Variants in LDLRAD4 observed in about 807,000 individuals in gnomAD.
LDLRAD4 encodes the protein low-density lipoprotein receptor class A domain-containing protein 4.
A neutral mutation model predicts 17.0 loss-of-function variants in LDLRAD4; 5 were observed. The ratio of observed to expected loss-of-function variants is 0.29; its 90% CI spans 0.15 to 0.62. The LOEUF (loss-of-function observed/expected upper bound fraction) is 0.62, where lower values mean the gene tolerates loss of function less well. Ranked by LOEUF, LDLRAD4 falls within the 20% of genes least tolerant of loss-of-function variation. The probability of loss-of-function intolerance (pLI) is 0.84; values close to 1 mark genes in which losing one functional copy is unlikely to be tolerated. For synonymous variants in LDLRAD4, 168 were observed against 171.8 expected (o/e 0.98, Z 0.17); for missense variants, 340 against 424.7 (o/e 0.80, Z 1.75).
intron 5 of LDLRAD4, 52 bp downstream of exon 6, chr18:13,643,464 G>GGGGGGGGGGGGGGGGGGGGGGGGGGGCCC: frequency 3.5e-6 from 1 of 288,974 alleles, no homozygotes; most frequent in East Asian, 5.7e-5. Context: ...GGTGGGTGGG[G>GGGGGGGGGGGGGGGGGGGGGGGGGGGCCC]ATGAAGGGGG....
chr18:13,267,881 A>G (rs974176837), intron 1 of LDLRAD4, among the ~76,000 whole-genome samples: 1 of 152,122 alleles, frequency 6.6e-6, no homozygotes, highest in Non-Finnish European at 1.5e-5. Flanking sequence ...AGACCAATGC[A>G]TTGTTTCTTT....
At chr18:13,341,758 C>A (rs1241719967) in intron 1 of LDLRAD4, among the ~76,000 whole-genome samples, 1 of 152,044 alleles carries the variant, frequency 6.6e-6, no homozygotes, top group African/African-American at 2.4e-5. Flanking sequence ...ATGGCTAGGA[C>A]GTGTACTGTG....
intron 3 of LDLRAD4, among the ~76,000 whole-genome samples, chr18:13,464,126 G>A (rs948715851): frequency 4.6e-5 from 7 of 152,184 alleles, no homozygotes; most frequent in East Asian, 1.9e-4. Flanking sequence ...AAAAAGACAA[G>A]CCTTTCAAGT....
chr18:13,585,880 C>A (rs1445132038), intron 3 of LDLRAD4, among the ~76,000 whole-genome samples: 1 of 152,128 alleles, frequency 6.6e-6, no homozygotes, highest in Non-Finnish European at 1.5e-5. Context: ...AATAGGAGAA[C>A]TGAAAGTTAG....
At chr18:13,457,783 G>C (rs911511705) in intron 3 of LDLRAD4, among the ~76,000 whole-genome samples, 1 of 152,102 alleles carries the variant, frequency 6.6e-6, no homozygotes, top group Non-Finnish European at 1.5e-5. Flanking sequence ...CCCCTGCCTC[G>C]CTACCTGGGC....
chr18:13,442,824 A>G (rs2091119367), intron 3 of LDLRAD4, among the ~76,000 whole-genome samples: 1 of 152,220 alleles, frequency 6.6e-6, no homozygotes, highest in African/African-American at 2.4e-5. Flanking sequence ...AGCCTTGGTG[A>G]GCACAGACCC....
intron 1 of LDLRAD4, among the ~76,000 whole-genome samples, chr18:13,328,377 T>C (rs758233667): frequency 6.6e-6 from 1 of 152,224 alleles, no homozygotes; most frequent in Non-Finnish European, 1.5e-5. Context: ...CTCCTAGAGC[T>C]CATTGAATAT....
At chr18:13,643,363 G>T in exon 5 of LDLRAD4, 3 of 1,455,554 alleles carry the variant, frequency 2.1e-6, no homozygotes, top group East Asian at 2.8e-5. Context: ...CGCCAGGAAG[G>T]GTGCCTGTGG....
chr18:13,606,017 G>T (rs2095220085), intron 3 of LDLRAD4, among the ~76,000 whole-genome samples: 2 of 152,102 alleles, frequency 1.3e-5, no homozygotes, highest in South Asian at 4.1e-4. Context: ...GTGGTCTCTG[G>T]ACCACACTCT....
intron 3 of LDLRAD4, among the ~76,000 whole-genome samples, chr18:13,597,111 C>G (rs900081989): frequency 9.2e-5 from 14 of 152,158 alleles, no homozygotes; most frequent in Non-Finnish European, 4.4e-5. Flanking sequence ...CTACTAGCAA[C>G]AGTCTTTCAG....
At chr18:13,586,880 G>GA (rs1010455072) in intron 3 of LDLRAD4, among the ~76,000 whole-genome samples, 42 of 147,304 alleles carry the variant, frequency 2.9e-4, no homozygotes, top group Non-Finnish European at 5.4e-4. Flanking sequence ...AAAAAAAAAG[G>GA]AAAAAAAAAT....
intron 3 of LDLRAD4, among the ~76,000 whole-genome samples, chr18:13,505,331 C>A (rs1164026952): frequency 6.6e-6 from 1 of 152,118 alleles, no homozygotes. Context: ...TAATGTGGGA[C>A]CATAAAAATG....
intron 2 of LDLRAD4, among the ~76,000 whole-genome samples, chr18:13,427,065 A>G (rs1205723348): frequency 6.6e-6 from 1 of 152,184 alleles, no homozygotes; most frequent in Admixed American, 6.5e-5. Flanking sequence ...GCACACCTGT[A>G]GTCCCAGCTA....
In LDLRAD4 at chr18:13,621,224, A is replaced by G; in HGVS notation, c.289A>G (p.Ile97Val). 1 of 1,614,014 alleles carries G rather than the reference A, an allele frequency of 6.2e-7. No individual in the cohort carries two copies. Among genetic ancestry groups the G allele is most frequent in the Non-Finnish European group, 8.5e-7 (1 of 1,180,032 alleles). Residue 97 changes from isoleucine to valine, a missense_variant, in exon 4 of 6, where the codon ATC (isoleucine) becomes GTC (valine). Transcript: ENST00000359446. The surrounding 1 kb of genome is among the most constrained non-coding windows in gnomAD (Gnocchi z 5.5). ...CTACAAAGTCTCCACGCGGTCCTTC[A>G]TCAACCGCCCGAACCAGAGCCGGAG...
At chr18:13,507,793 G>C (rs143329499) in intron 3 of LDLRAD4, among the ~76,000 whole-genome samples, 2 of 152,266 alleles carry the variant, frequency 1.3e-5, no homozygotes, top group East Asian at 1.9e-4. Flanking sequence ...AATTCTCCAA[G>C]ACACAAGAAT....
chr18:13,645,041 C>A lies in LDLRAD4; in HGVS notation c.391-86C>A. The stretch of plus-strand genomic sequence containing the variant: ...GTGTTCAAACTGGTAGGAACACACA[C>A]CAAGCGTAACTTTCCTTGATTCTGA... On this transcript the variant is annotated intron_variant, in intron 5 of 5. Coordinates refer to ENST00000359446, the Ensembl canonical transcript of LDLRAD4. This position sits in a 1 kb window ranked among gnomAD's most constrained non-coding sequence, Gnocchi z 5.7. The A allele has an allele frequency of 8.9e-7, 1 of 1,129,040 alleles. No homozygotes were observed. 69.9% of individuals were successfully genotyped at this position (1,129,040 alleles called of 1,614,324 possible).
intron 1 of LDLRAD4, among the ~76,000 whole-genome samples, chr18:13,352,264 G>A (rs533252157): frequency 6.6e-6 from 1 of 152,240 alleles, no homozygotes; most frequent in Admixed American, 6.5e-5. Context: ...TTGTGGCCAG[G>A]GCAATCAGGC....
rs73421362 is a variant in LDLRAD4 at position 13,388,445 on chromosome 18, C to T, written c.40+683C>T. The stretch of plus-strand genomic sequence containing the variant: ...GGCTCCTCGTAGACAGACTGGGCTC[C>T]GTGACATTGAGGAACTTCATGGAAT... On this transcript the variant is annotated intron_variant, in intron 2 of 5. Coordinates refer to ENST00000359446, the Ensembl canonical transcript of LDLRAD4. 4.8e-3 allele frequency among the ~76,000 whole-genome samples: 737 copies of T among 152,290 alleles called. 11 individuals are homozygous for T. Among genetic ancestry groups the T allele is most frequent in the African/African-American group, 0.017 (710 of 41,538 alleles).
At chr18:13,365,344 T>C (rs2083981212) in intron 1 of LDLRAD4, among the ~76,000 whole-genome samples, 1 of 152,212 alleles carries the variant, frequency 6.6e-6, no homozygotes, top group Non-Finnish European at 1.5e-5. Flanking sequence ...TTGGCTTCCC[T>C]CATGTGTATT....
Sources: gnomAD v4.1 joint callset for allele counts (sites outside exome capture counted in the v4.1 genomes callset) on GRCh38, gnomAD v4.1.1 for gene constraint, Gnocchi (gnomAD v3.1) non-coding constraint, MANE v1.5 for transcripts, NCBI Gene and HGNC (gene_info 2026-07-23, HGNC 2026-07-21) for gene names.